Variants in APEH observed in about 807,000 individuals in gnomAD.
APEH encodes the protein acylaminoacyl-peptide hydrolase, also known as acylamino-acid-releasing enzyme.
APEH carries 75 observed loss-of-function variants against 102.7 expected under a neutral mutation model. The ratio of observed to expected loss-of-function variants is 0.73; its 90% CI spans 0.61 to 0.89. The LOEUF is 0.89. Among genes scored for constraint, APEH ranks in the 40% least tolerant of loss-of-function variants. The pLI, the probability that APEH is intolerant of heterozygous loss-of-function variation, is 0.00. For missense variants in APEH, 863 were observed against 941.2 expected, an observed-to-expected ratio of 0.92 and a Z score of 1.09; for synonymous variants, 344 against 362.7, an observed-to-expected ratio of 0.95 and a Z score of 0.59.
intron 11 of APEH, among the ~76,000 whole-genome samples, chr3:49,678,382 GGTGATTGT>G (rs1218737343): frequency 6.6e-6 from 1 of 152,148 alleles, no homozygotes; most frequent in African/African-American, 2.4e-5. Context: ...TTCATGGAGG[GGTGATTGT>G]GTCTGCCTGC....
chr3:49,681,752 A>T lies in APEH; in HGVS notation c.1469A>T (p.Gln490Leu). 6.2e-7 allele frequency: 1 copy of T among 1,604,764 alleles called. No individual in the cohort carries two copies. The highest frequency in any genetic ancestry group is 1.1e-5 in the South Asian group (1 of 89,712). The change falls in exon 16 of 22, where the codon CAG becomes CTG. Residue 490 changes from glutamine to leucine, a missense_variant. Gln to Leu is a moderately radical substitution (Grantham distance 113, BLOSUM62 -2). Transcript: ENST00000296456. ...AGLDFEAILL[Q>L]PGSPPDKTQV... ...CTTGACTTTGAAGCAATCCTGCTGC[A>T]GCCTGGCAGCCCTCCAGATAAGACC...
chr3:49,680,350 T>G, intron 13 of APEH, 191 bp from the exon 14 acceptor site: 1 of 574,342 alleles, frequency 1.7e-6, no homozygotes, highest in Non-Finnish European at 3.2e-6. Context: ...CCAGTGTCTG[T>G]CAGATGAACA....
intron 14 of APEH, 52 bp from the exon 15 acceptor site, chr3:49,681,048 GA>G: frequency 6.6e-7 from 1 of 1,518,498 alleles, no homozygotes; most frequent in Non-Finnish European, 8.8e-7. Context: ...GGGCAGAAGG[GA>G]AGGGCAGGGA....
rs531462009 is a variant in APEH, at chr3:49,681,798, G to A, written c.1515G>A (p.Met505Ile). Reference sequence around the variant, plus strand: ...AGACCCAAGTGCCCATGGTGGTCATGCCCCACGGTAGGCATCTGGCGTTAA... The same window carrying A: ...AGACCCAAGTGCCCATGGTGGTCATACCCCACGGTAGGCATCTGGCGTTAA... ...PDKTQVPMVV[M>I]PHGGPHSSFV... The change falls in exon 16 of 22, where the codon ATG (methionine) becomes ATA (isoleucine). Residue 505 changes from methionine to isoleucine, a missense_variant. Physicochemically the swap from Met to Ile is conservative, Grantham distance 10 (BLOSUM62 1). Transcript: ENST00000296456. 4.3e-6 allele frequency: 7 copies of A among 1,611,854 alleles called. No homozygotes were observed. The highest frequency in any genetic ancestry group is 5.9e-6 in the Non-Finnish European group (7 of 1,178,524).
chr3:49,683,026 C>G lies in APEH; in HGVS notation c.1987-14C>G. ...CAGCTCAACACAGCTCCCCACTCTTCCCCAAACACCCAGGTGAAGACACCA... is the reference window on the plus strand; with the variant it reads ...CAGCTCAACACAGCTCCCCACTCTTGCCCAAACACCCAGGTGAAGACACCA... On this transcript the variant is annotated splice_polypyrimidine_tract_variant and intron_variant, in intron 20 of 21. Transcript: ENST00000296456. 6.2e-7 allele frequency: 1 copy of G among 1,613,306 alleles called. No homozygotes were observed. The highest frequency in any genetic ancestry group is 8.5e-7 in the Non-Finnish European group (1 of 1,179,542).
chr3:49,675,811 G>C (rs1246827581), intron 4 of APEH, 24 bp downstream of exon 4: 2 of 1,613,136 alleles, frequency 1.2e-6, no homozygotes, highest in Non-Finnish European at 1.7e-6. Context: ...GGACCAGGTA[G>C]TGGGTGACAA....
At position 49,683,219 on chromosome 3, in the gene APEH, G is replaced by A; in HGVS notation, c.2094-18G>A. 6.2e-7 allele frequency: 1 copy of A among 1,611,526 alleles called. No individual in the cohort carries two copies. The highest frequency in any genetic ancestry group is 8.5e-7 in the Non-Finnish European group (1 of 1,177,648). ...GGAGGACCCTCCAACCTTAAATGTT[G>A]CTGACTAATCCCTACAGGCTCCTGC... On this transcript the variant is annotated intron_variant, in intron 21 of 21. Transcript: ENST00000296456.
chr3:49,681,768 A>G lies in APEH; in HGVS notation c.1485A>G (p.Pro495=), dbSNP rs766066874. 6.2e-7 allele frequency: 1 copy of G among 1,609,316 alleles called. No homozygotes were observed. Among genetic ancestry groups the G allele is most frequent in the Non-Finnish European group, 8.5e-7 (1 of 1,177,102 alleles). ...EAILLQPGSP[P]DKTQVPMVVM... is the part of the protein sequence containing the mutation. Reference sequence around the variant, plus strand: ...TCCTGCTGCAGCCTGGCAGCCCTCCAGATAAGACCCAAGTGCCCATGGTGG... The same window carrying G: ...TCCTGCTGCAGCCTGGCAGCCCTCCGGATAAGACCCAAGTGCCCATGGTGG... Residue 495 remains proline, a synonymous_variant, in exon 16 of 22, where the codon CCA becomes CCG. Coordinates refer to ENST00000296456, the MANE Select transcript of APEH (RefSeq NM_001640.4).
chr3:49,681,747 G>C lies in APEH; in HGVS notation c.1464G>C (p.Leu488=), dbSNP rs377517350. 10 of 1,602,442 alleles carry C rather than the reference G, an allele frequency of 6.2e-6. No homozygotes were observed. In the Admixed American group the frequency reaches 1.2e-4, roughly 19 times the overall value. Reference sequence around the variant, plus strand: ...CTGGCCTTGACTTTGAAGCAATCCTGCTGCAGCCTGGCAGCCCTCCAGATA... The same window carrying C: ...CTGGCCTTGACTTTGAAGCAATCCTCCTGCAGCCTGGCAGCCCTCCAGATA... The part of the protein sequence containing the change: ...QYAGLDFEAI[L]LQPGSPPDKT... Residue 488 remains leucine, a synonymous_variant, in exon 16 of 22, where the codon CTG becomes CTC. Transcript: ENST00000296456.
chr3:49,677,466 C>T, intron 10 of APEH, 107 bp from the exon 11 acceptor site: 1 of 1,009,558 alleles, frequency 9.9e-7, no homozygotes, highest in Non-Finnish European at 1.6e-6. Context: ...ATTCCAGTTC[C>T]CCCATCTCCT....
intron 17 of APEH, 151 bp from the exon 18 acceptor site, chr3:49,682,197 C>T: frequency 1.1e-6 from 1 of 909,070 alleles, no homozygotes; most frequent in Non-Finnish European, 1.7e-6. Flanking sequence ...CACTGGGTGG[C>T]AGCCTCAAAT....
rs747993647 is a variant in APEH at position 49,676,161 on chromosome 3, A to G, written c.548A>G (p.Asp183Gly). 1.2e-6 allele frequency: 2 copies of G among 1,614,200 alleles called. No homozygotes were observed. The highest frequency in any genetic ancestry group is 2.2e-5 in the South Asian group (2 of 91,092). The change falls in exon 6 of 22, where the codon GAC becomes GGC. Residue 183 changes from aspartate to glycine, a missense_variant. By Grantham distance (94) the Asp-to-Gly change is moderately conservative (BLOSUM62 -1). Coordinates refer to ENST00000296456, the MANE Select transcript of APEH (RefSeq NM_001640.4). The part of the protein sequence containing the change: ...AESFFQTKAL[D>G]VSASDDEIAR... ...TCCTTCTTTCAGACCAAAGCCTTGG[A>G]CGTCAGTGCCAGCGATGATGAGATA...
chr3:49,673,594 C>G (rs2052871396), upstream of APEH, among the ~76,000 whole-genome samples: 1 of 152,158 alleles, frequency 6.6e-6, no homozygotes, highest in Non-Finnish European at 1.5e-5. Flanking sequence ...ACCCGCCCCT[C>G]TGCCCCGCAC....
In APEH at chr3:49,683,971, C is replaced by A; in HGVS notation, c.*629C>A. ...GTACAGGCATAAAGAGGAAACATGG[C>A]TTTATGTCTGACAAGAAGTTTTGTC... On this transcript the variant is annotated 3_prime_UTR_variant, in exon 22 of 22. Transcript: ENST00000296456. The A allele has an allele frequency of 6.3e-7, 1 of 1,585,552 alleles. No individual in the cohort carries two copies. Among genetic ancestry groups the A allele is most frequent in the South Asian group, 1.2e-5 (1 of 86,066 alleles).
At position 49,681,956 on chromosome 3, in the gene APEH, C is replaced by T. The variant is rs749014824; in HGVS notation, c.1592C>T (p.Ala531Val). The change falls in exon 17 of 22, where the codon GCG (alanine) becomes GTG (valine). Residue 531 changes from alanine (A) to valine (V), a missense_variant. Ala to Val is a moderately conservative substitution (Grantham distance 64). Coordinates refer to ENST00000296456, the MANE Select transcript of APEH (RefSeq NM_001640.4). ...FPAMLCKMGF[A>V]VLLVNYRGST... ...GCCATGCTTTGCAAGATGGGCTTTGCGGTACTACTAGGTGAGTGAGCAGGG... is the reference window on the plus strand; with the variant it reads ...GCCATGCTTTGCAAGATGGGCTTTGTGGTACTACTAGGTGAGTGAGCAGGG... The T allele has an allele frequency of 6.2e-6, 10 of 1,613,836 alleles. No individual in the cohort carries two copies. The highest frequency in any genetic ancestry group is 1.3e-5 in the African/African-American group (1 of 75,054).
chr3:49,679,465 C>T lies in APEH; in HGVS notation c.1159-128C>T. Reference sequence around the variant, plus strand: ...CCCTACTGCACTGAGTAACCATCACCATAGCTGTCCACAGCCTTGGTCTGG... The same window carrying T: ...CCCTACTGCACTGAGTAACCATCACTATAGCTGTCCACAGCCTTGGTCTGG... On this transcript the variant is annotated intron_variant, in intron 12 of 21. Transcript: ENST00000296456. The surrounding 1 kb of genome is among the most constrained non-coding windows in gnomAD (Gnocchi z 4.3). The T allele has an allele frequency of 1.1e-6, 1 of 927,736 alleles. No individual in the cohort carries two copies. The highest frequency in any genetic ancestry group is 1.8e-5 in the Admixed American group (1 of 54,640). The allele number at this position is 927,736 out of a possible 1,614,324, so 57.5% of individuals were successfully genotyped here. A position where few individuals can be genotyped will look rare whatever the true frequency, so the allele number is the denominator to read the frequency against.
At chr3:49,675,537 T>C in intron 3 of APEH, 157 bp from the exon 4 acceptor site, 1 of 967,588 alleles carries the variant, frequency 1.0e-6, no homozygotes, top group Non-Finnish European at 1.6e-6. Context: ...GAGTAGAGTC[T>C]CTGCCTCAGG....
chr3:49,674,730 C>G, intron 2 of APEH, 109 bp downstream of exon 2: 1 of 1,412,148 alleles, frequency 7.1e-7, no homozygotes, highest in South Asian at 1.3e-5. Flanking sequence ...ATATAGGGAG[C>G]CGGCCTGGAC....
chr3:49,679,598 G>GT lies in APEH; in HGVS notation c.1167dup (p.Ala390CysfsTer27). On this transcript the variant is annotated frameshift_variant, in exon 13 of 22. Coordinates refer to ENST00000296456, the MANE Select transcript of APEH (RefSeq NM_001640.4). LOFTEE classifies it high-confidence loss of function. The surrounding 1 kb of genome is among the most constrained non-coding windows in gnomAD (Gnocchi z 4.3). Reference sequence around the variant, plus strand: ...TGGCCTTGCCTCTGCTTCAGGACCTGTTTGCTGTGGACACCCAAGTGGGCA... The same window carrying GT: ...TGGCCTTGCCTCTGCTTCAGGACCTGTTTTGCTGTGGACACCCAAGTGGGCA... 1.2e-6 allele frequency: 2 copies of GT among 1,613,916 alleles called. No homozygotes were observed. Among genetic ancestry groups the GT allele is most frequent in the Non-Finnish European group, 1.7e-6 (2 of 1,179,844 alleles).
Sources: gnomAD v4.1 joint callset for allele counts (sites outside exome capture counted in the v4.1 genomes callset) on GRCh38, gnomAD v4.1.1 for gene constraint, Gnocchi (gnomAD v3.1) non-coding constraint, MANE v1.5 for transcripts, NCBI Gene and HGNC (gene_info 2026-07-23, HGNC 2026-07-21) for gene names.